The following PPP6C variants were observed in gnomAD, a reference collection of about 807,000 sequenced individuals.
The protein encoded by PPP6C is protein phosphatase 6 catalytic subunit.
PPP6C carries 11 observed loss-of-function variants against 39.8 expected under a neutral mutation model. The observed-to-expected ratio is 0.28, with a 90% confidence interval of 0.17 to 0.46. The LOEUF is 0.46. PPP6C is among the 20% of genes least tolerant of loss of function. The pLI, the probability that PPP6C is intolerant of heterozygous loss-of-function variation, is 1.00. For synonymous variants in PPP6C, 129 were observed against 130.3 expected (o/e 0.99, Z 0.07); for missense variants, 211 against 373.9 (o/e 0.56, Z 3.59).
intron 1 of PPP6C, among the ~76,000 whole-genome samples, chr9:125,181,242 T>C (rs1213515554): frequency 6.6e-6 from 1 of 152,196 alleles, no homozygotes; most frequent in Non-Finnish European, 1.5e-5. Flanking sequence ...CCAAACCCTT[T>C]ACAGCTTTAT....
At chr9:125,170,259 CAG>C (rs980388274) in intron 2 of PPP6C, among the ~76,000 whole-genome samples, 2 of 149,038 alleles carry the variant, frequency 1.3e-5, no homozygotes, top group African/African-American at 2.5e-5. Context: ...TTTTTTTAGA[CAG>C]AGTCTTGCTC....
chr9:125,165,403 AAAAC>A (rs1371519577), intron 2 of PPP6C, among the ~76,000 whole-genome samples: 4 of 152,194 alleles, frequency 2.6e-5, no homozygotes, highest in African/African-American at 9.6e-5. Flanking sequence ...CCATCTCAAA[AAAAC>A]AAATCAATAA....
At chr9:125,186,996 G>A (rs1160072929) in intron 1 of PPP6C, among the ~76,000 whole-genome samples, 1 of 134,436 alleles carries the variant, frequency 7.4e-6, no homozygotes, top group Non-Finnish European at 1.5e-5. Context: ...ACCCAGGCTG[G>A]ACTGCAGTGG....
At chr9:125,171,456 C>A (rs1374896550) in intron 1 of PPP6C, among the ~76,000 whole-genome samples, 1 of 77,976 alleles carries the variant, frequency 1.3e-5, no homozygotes, top group South Asian at 4.2e-4. Context: ...CACACACACA[C>A]ATATACACAC....
In PPP6C at chr9:125,167,446, G is replaced by GCA. The variant is rs547867130; in HGVS notation, c.171+3637_171+3638dup. ...ATGGTGACTCACGCCTGTAATCCCA[G>GCA]CACTTTGGGAGGCCGAGACAGGAGA... On this transcript the variant is annotated intron_variant, in intron 2 of 6. Coordinates refer to ENST00000373547, the MANE Select transcript of PPP6C (RefSeq NM_002721.5). 9.1e-4 allele frequency among the ~76,000 whole-genome samples: 134 copies of GCA among 147,850 alleles called. 1 individual carries two copies. Among genetic ancestry groups the GCA allele is most frequent in the African/African-American group, 3.2e-3 (129 of 40,038 alleles).
intron 1 of PPP6C, among the ~76,000 whole-genome samples, chr9:125,177,178 T>C (rs1005677157): frequency 1.3e-5 from 2 of 151,400 alleles, no homozygotes; most frequent in Non-Finnish European, 2.9e-5. Context: ...AGTGAGACCA[T>C]CCTGGCTAAC....
chr9:125,155,064 C>T (rs1836035576), intron 4 of PPP6C, among the ~76,000 whole-genome samples: 1 of 152,134 alleles, frequency 6.6e-6, no homozygotes, highest in Admixed American at 6.5e-5. Flanking sequence ...AGTGCCACCA[C>T]ACCTGGCTAA....
intron 1 of PPP6C, among the ~76,000 whole-genome samples, chr9:125,183,566 C>T (rs773524827): frequency 5.9e-5 from 9 of 152,126 alleles, no homozygotes; most frequent in Non-Finnish European, 1.0e-4. Flanking sequence ...AAATAACAAT[C>T]TAAGTTTAAC....
At chr9:125,157,546 C>T (rs1836110304) in intron 4 of PPP6C, among the ~76,000 whole-genome samples, 2 of 152,090 alleles carry the variant, frequency 1.3e-5, no homozygotes, top group Admixed American at 1.3e-4. Flanking sequence ...TATAAACACA[C>T]ATAAACACAC....
At chr9:125,184,310 C>T (rs1365071527) in intron 1 of PPP6C, among the ~76,000 whole-genome samples, 1 of 152,020 alleles carries the variant, frequency 6.6e-6, no homozygotes, top group East Asian at 1.9e-4. Flanking sequence ...ATTGTTTGAA[C>T]CCAGGAGGCA....
At chr9:125,157,227 C>T (rs909191664) in intron 4 of PPP6C, among the ~76,000 whole-genome samples, 2 of 150,302 alleles carry the variant, frequency 1.3e-5, no homozygotes, top group Admixed American at 6.7e-5. Context: ...GTGATCCGCC[C>T]GCCTCGGCCT....
chr9:125,164,738 G>C (rs972725426), intron 2 of PPP6C, among the ~76,000 whole-genome samples: 3 of 151,976 alleles, frequency 2.0e-5, no homozygotes, highest in African/African-American at 7.2e-5. Context: ...TACCCAGCCT[G>C]GGAAGTGGAT....
intron 1 of PPP6C, among the ~76,000 whole-genome samples, chr9:125,177,923 T>A (rs1829338007): frequency 6.6e-6 from 1 of 152,196 alleles, no homozygotes; most frequent in Non-Finnish European, 1.5e-5. Flanking sequence ...TTCAGGTTGG[T>A]TTCTTTCATT....
chr9:125,166,764 C>T (rs1400266129), intron 2 of PPP6C, among the ~76,000 whole-genome samples: 1 of 152,076 alleles, frequency 6.6e-6, no homozygotes, highest in East Asian at 1.9e-4. Context: ...GAACTCCCGA[C>T]CTCAGGTGAT....
intron 1 of PPP6C, among the ~76,000 whole-genome samples, chr9:125,180,455 T>C (rs1829397234): frequency 6.6e-6 from 1 of 152,164 alleles, no homozygotes. Flanking sequence ...GGAGTTTCGC[T>C]CTTGTCACCC....
At chr9:125,162,090 CAA>C (rs200905430) in intron 2 of PPP6C, among the ~76,000 whole-genome samples, 6 of 105,622 alleles carry the variant, frequency 5.7e-5, no homozygotes, top group African/African-American at 3.5e-5. Context: ...AAAAGTCAGA[CAA>C]AAAAAAAAAA....
chr9:125,161,100 C>T (rs1037920849), intron 2 of PPP6C, among the ~76,000 whole-genome samples, 194 bp from the exon 3 acceptor site: 1 of 152,156 alleles, frequency 6.6e-6, no homozygotes, highest in African/African-American at 2.4e-5. Context: ...AGCTCAGTTA[C>T]CATAAAGTCA....
At chr9:125,151,197 G>A (rs959445362) in intron 6 of PPP6C, 35 of 1,499,346 alleles carry the variant, frequency 2.3e-5, no homozygotes, top group Admixed American at 8.4e-5. Flanking sequence ...CAGACAGGCT[G>A]AATGTGGACT....
intron 1 of PPP6C, chr9:125,189,435 G>C: frequency 1.5e-6 from 2 of 1,343,448 alleles, no homozygotes; most frequent in Non-Finnish European, 2.0e-6. Context: ...GACATCCCTC[G>C]GGATCCCCAC....
Sources: gnomAD v4.1 joint callset for allele counts (sites outside exome capture counted in the v4.1 genomes callset) on GRCh38, gnomAD v4.1.1 for gene constraint, MANE v1.5 for transcripts, NCBI Gene and HGNC (gene_info 2026-07-23, HGNC 2026-07-21) for gene names.